The following DRC8 variants were observed in gnomAD, a reference collection of about 807,000 sequenced individuals.
The protein encoded by DRC8 is dynein regulatory complex subunit 8, also known as dynein regulatory complex protein 8.
chr1:245,093,368 C>G, the DRC8 span, among the ~76,000 whole-genome samples: 1 of 151,984 alleles, frequency 6.6e-6, no homozygotes, highest in Non-Finnish European at 1.5e-5. Context: ...GGAGAAAACA[C>G]TCTTAATCAT....
chr1:245,002,301 T>C, the DRC8 span: 1 of 1,325,696 alleles, frequency 7.5e-7, no homozygotes. Flanking sequence ...CCTCCAGCCT[T>C]GCTTCCTTCC....
the DRC8 span, among the ~76,000 whole-genome samples, chr1:244,973,225 A>G: frequency 6.2e-5 from 6 of 97,406 alleles, no homozygotes; most frequent in African/African-American, 1.5e-4. Context: ...TTGGCAATAT[A>G]CTAATATAAT....
At chr1:244,993,873 A>T in the DRC8 span, among the ~76,000 whole-genome samples, 2 of 151,982 alleles carry the variant, frequency 1.3e-5, no homozygotes, top group African/African-American at 4.8e-5. Flanking sequence ...TGGCCTAATC[A>T]CCTCTTAAGC....
At chr1:245,045,257 G>A in the DRC8 span, among the ~76,000 whole-genome samples, 4 of 151,820 alleles carry the variant, frequency 2.6e-5, no homozygotes, top group Admixed American at 6.6e-5. Flanking sequence ...TGGTCCTCCC[G>A]CCTCAGCCTT....
the DRC8 span, among the ~76,000 whole-genome samples, chr1:245,112,499 A>G: frequency 6.6e-6 from 1 of 152,346 alleles, no homozygotes; most frequent in African/African-American, 2.4e-5. Context: ...ATTTTACTAT[A>G]TATGTGTGTT....
At chr1:245,016,556 T>C in the DRC8 span, among the ~76,000 whole-genome samples, 1 of 152,324 alleles carries the variant, frequency 6.6e-6, no homozygotes, top group South Asian at 2.1e-4. Flanking sequence ...TGCCTTACTA[T>C]GTATTTTATC....
At chr1:245,028,426 A>C in the DRC8 span, among the ~76,000 whole-genome samples, 1 of 152,208 alleles carries the variant, frequency 6.6e-6, no homozygotes, top group Non-Finnish European at 1.5e-5. Flanking sequence ...TCTCTCCTGC[A>C]CTGCCAAAAA....
chr1:245,038,915 T>A, the DRC8 span, among the ~76,000 whole-genome samples: 1 of 130,180 alleles, frequency 7.7e-6, no homozygotes, highest in Non-Finnish European at 1.5e-5. Flanking sequence ...AATCAAGAGA[T>A]AAATAACACC....
the DRC8 span, among the ~76,000 whole-genome samples, chr1:244,999,103 G>A: frequency 2.0e-5 from 3 of 150,892 alleles, no homozygotes; most frequent in Admixed American, 2.0e-4. Flanking sequence ...GAGAGGAAGG[G>A]GAGGGGAAGA....
At chr1:245,009,028 CTTTTTTTTTTTTTTTT>C in the DRC8 span, among the ~76,000 whole-genome samples, 1 of 64,446 alleles carries the variant, frequency 1.6e-5, no homozygotes. Context: ...TTATGCTTTT[CTTTTTTTTTTTTTTTT>C]TTTTTTTTTG....
At chr1:245,052,156 A>C in the DRC8 span, among the ~76,000 whole-genome samples, 15 of 152,352 alleles carry the variant, frequency 9.8e-5, no homozygotes, top group African/African-American at 3.6e-4. Flanking sequence ...TTTGCCAGGA[A>C]GTCAACAGAC....
chr1:245,025,330 G>A, the DRC8 span, among the ~76,000 whole-genome samples: 10 of 152,302 alleles, frequency 6.6e-5, no homozygotes, highest in African/African-American at 2.4e-4. Context: ...CCACAAGTCC[G>A]TAGAGACAGT....
At chr1:245,069,507 A>G in the DRC8 span, among the ~76,000 whole-genome samples, 1 of 152,132 alleles carries the variant, frequency 6.6e-6, no homozygotes. Context: ...TTTCAAACCC[A>G]TGTTTGAGGG....
the DRC8 span, among the ~76,000 whole-genome samples, chr1:245,025,199 A>G: frequency 6.6e-6 from 1 of 152,252 alleles, no homozygotes; most frequent in South Asian, 2.1e-4. Context: ...ACCCACAAGG[A>G]GTGCCTCTAA....
chr1:245,086,595 C>A, the DRC8 span: 2 of 427,688 alleles, frequency 4.7e-6, no homozygotes, highest in Non-Finnish European at 4.9e-6. Flanking sequence ...TTGCATCAGA[C>A]AGTGTTTAGC....
chr1:245,081,804 C>T, the DRC8 span, among the ~76,000 whole-genome samples: 1 of 152,216 alleles, frequency 6.6e-6, no homozygotes. Context: ...CAGACCCATG[C>T]TCCTTCCCCT....
chr1:245,119,473 G>A, the DRC8 span, among the ~76,000 whole-genome samples: 6 of 151,084 alleles, frequency 4.0e-5, no homozygotes, highest in East Asian at 5.9e-4. Context: ...GACCAGTCTC[G>A]GCAACAAAGC....
chr1:245,053,845 T>TCCTA, the DRC8 span, among the ~76,000 whole-genome samples: 1,213 of 152,128 alleles, frequency 8.0e-3, 19 homozygotes, highest in African/African-American at 0.028. Flanking sequence ...GAGGGAAATT[T>TCCTA]CCTATGATAG....
the DRC8 span, among the ~76,000 whole-genome samples, chr1:244,991,816 A>G: frequency 6.6e-6 from 1 of 152,174 alleles, no homozygotes; most frequent in East Asian, 1.9e-4. Context: ...GACATTCAGT[A>G]TGTTTTAAGT....
Sources: allele counts gnomAD v4.1 joint callset (sites outside exome capture counted in the v4.1 genomes callset), GRCh38; gene constraint gnomAD v4.1.1; transcripts MANE v1.5; gene names NCBI Gene and HGNC (gene_info 2026-07-23, HGNC 2026-07-21).